The following DNMT3A variants were observed in gnomAD, a reference collection of about 807,000 sequenced individuals.
DNMT3A encodes the protein DNA methyltransferase 3 alpha, also known as DNA (cytosine-5)-methyltransferase 3A.
DNMT3A carries 267 observed loss-of-function variants against 117.6 expected under a neutral mutation model. The observed-to-expected ratio is 2.27, with a 90% CI of 2.05 to 2.51. The LOEUF (loss-of-function observed/expected upper bound fraction) is 2.51, where lower values mean the gene tolerates loss of function less well. Ranked by LOEUF, DNMT3A falls within the 30% of genes most tolerant of loss-of-function variation. DNMT3A has a pLI of 0.00. For missense variants in DNMT3A, 1,029 were observed against 1,260.2 expected (o/e 0.82, Z 2.78); for synonymous variants, 432 against 474.8 (o/e 0.91, Z 1.17).
chr2:25,240,082 A>G (rs1478424124), intron 19 of DNMT3A, among the ~76,000 whole-genome samples: 1 of 152,148 alleles, frequency 6.6e-6, no homozygotes, highest in African/African-American at 2.4e-5. Context: ...CCACACCCAC[A>G]ATGCCACCTC....
chr2:25,264,474 G>T (rs1329719427), intron 6 of DNMT3A, among the ~76,000 whole-genome samples: 32 of 138,718 alleles, frequency 2.3e-4, no homozygotes, highest in South Asian at 9.0e-4. Context: ...TTTTTGTTTT[G>T]TTTTTTTTTG....
intron 3 of DNMT3A, among the ~76,000 whole-genome samples, chr2:25,288,704 C>T (rs1380424005): frequency 6.6e-6 from 1 of 152,240 alleles, no homozygotes; most frequent in Non-Finnish European, 1.5e-5. Context: ...AGTACACTCT[C>T]ATGGTTATAC....
rs549167321 is a variant in DNMT3A at position 25,245,286 on chromosome 2, G to A, written c.1521C>T (p.Pro507=). ...CGSLNVTLEH[P]LFVGGMCQNC... ...TTTGGCACATTCCTCCAACGAAGAG[G>A]GGGTGTTCCAGGGTAACATTGAGGC... is the stretch of plus-strand genomic sequence containing the variant. Residue 507 remains proline, a synonymous_variant, in exon 13 of 23, where the codon CCC becomes CCT. Coordinates refer to ENST00000321117, the MANE Select transcript of DNMT3A (RefSeq NM_022552.5). The A allele has an allele frequency of 1.1e-5, 17 of 1,613,984 alleles. No individual in the cohort carries two copies. The African/African-American group carries it at 1.6e-4, about 15-fold the overall frequency.
rs764146514 is a variant in DNMT3A, at chr2:25,239,130, C to A, written c.2408G>T (p.Arg803Met). The change falls in exon 20 of 23, where the codon AGG becomes ATG. Residue 803 changes from arginine (R) to methionine (M), a missense_variant and splice_region_variant. Physicochemically the swap from Arg to Met is moderately conservative, Grantham distance 91 (BLOSUM62 -1). Coordinates refer to ENST00000321117, the MANE Select transcript of DNMT3A (RefSeq NM_022552.5). ...YFWGNLPGMN[R>M]PLASTVNDKL... Reference sequence around the variant, plus strand: ...CCCAGGCCCAGGAGCTTTCACCAACCTGTTCATACCGGGAAGGTTACCCCA... The same window carrying A: ...CCCAGGCCCAGGAGCTTTCACCAACATGTTCATACCGGGAAGGTTACCCCA... 6.2e-7 allele frequency: 1 copy of A among 1,613,894 alleles called. No individual in the cohort carries two copies. The highest frequency in any genetic ancestry group is 8.5e-7 in the Non-Finnish European group (1 of 1,179,840).
At chr2:25,264,999 C>T (rs535599190) in intron 6 of DNMT3A, among the ~76,000 whole-genome samples, 8 of 152,086 alleles carry the variant, frequency 5.3e-5, no homozygotes, top group Admixed American at 4.6e-4. Flanking sequence ...ACTAAAATGC[C>T]GAAAGCAGAA....
At chr2:25,273,536 C>T (rs1046434189) in intron 6 of DNMT3A, among the ~76,000 whole-genome samples, 2 of 152,160 alleles carry the variant, frequency 1.3e-5, no homozygotes, top group African/African-American at 2.4e-5. Context: ...TGGCAGTTTC[C>T]TCTCTTTTCC....
At chr2:25,302,406 A>C (rs573699785) in intron 2 of DNMT3A, among the ~76,000 whole-genome samples, 4 of 152,174 alleles carry the variant, frequency 2.6e-5, no homozygotes, top group Non-Finnish European at 5.9e-5. Context: ...AGGACCAAAG[A>C]GGGCAATTTA....
Position 25,300,691 on chromosome 2 carries a change from ATT to A in DNMT3A, c.73-450_73-449del, listed in dbSNP as rs1195321535. Among the ~76,000 whole-genome samples the A allele has an allele frequency of 3.5e-4, 29 of 82,056 alleles. 1 individual carries two copies. Among genetic ancestry groups the A allele is most frequent in the Non-Finnish European group, 5.7e-4 (24 of 41,862 alleles). The allele number at this position is 82,056 out of a possible 152,430, so 53.8% of individuals were successfully genotyped here. On this transcript the variant is annotated intron_variant, in intron 2 of 22. Coordinates refer to ENST00000321117, the MANE Select transcript of DNMT3A (RefSeq NM_022552.5). ...TATTTAGATATATATTTAGATATATATTTATATATCTAAATAATATAATATAT... is the reference window on the plus strand; with the variant it reads ...TATTTAGATATATATTTAGATATATATATATATCTAAATAATATAATATAT...
At chr2:25,342,174 G>GC (rs1413013399), upstream of DNMT3A, among the ~76,000 whole-genome samples, 1 of 145,508 alleles carries the variant, frequency 6.9e-6, no homozygotes, top group African/African-American at 2.5e-5. This position sits in a 1 kb window ranked among gnomAD's most constrained non-coding sequence, Gnocchi z 5.9. Flanking sequence ...CGACTGGGGG[G>GC]CCCCGGGGCG....
chr2:25,272,614 A>G (rs2031012172), intron 6 of DNMT3A, among the ~76,000 whole-genome samples: 1 of 152,134 alleles, frequency 6.6e-6, no homozygotes, highest in Non-Finnish European at 1.5e-5. Context: ...TGGAGAGAAG[A>G]GCCCCATTCC....
At chr2:25,279,548 G>A (rs139177109) in intron 4 of DNMT3A, among the ~76,000 whole-genome samples, 7 of 152,224 alleles carry the variant, frequency 4.6e-5, no homozygotes, top group African/African-American at 1.4e-4. Flanking sequence ...CCCACCCCGC[G>A]AGGTAACATC....
At chr2:25,251,844 G>A in intron 6 of DNMT3A, 1 of 371,860 alleles carries the variant, frequency 2.7e-6, no homozygotes, top group Non-Finnish European at 4.9e-6. Context: ...CCATCTGCCA[G>A]CTCAGCTGAA....
At position 25,237,941 on chromosome 2, in the gene DNMT3A, C is replaced by G. The variant is rs2149263777; in HGVS notation, c.2409-936G>C. ...AGGAAGGCTTCCCTGAGCACTGGCT[C>G]CAGGATCTCAGTGTGGGAACCACGG... On this transcript the variant is annotated intron_variant, in intron 20 of 22. Transcript: ENST00000321117. The surrounding 1 kb of genome is among the most constrained non-coding windows in gnomAD (Gnocchi z 5.4). 6.6e-6 allele frequency among the ~76,000 whole-genome samples: 1 copy of G among 152,362 alleles called. No homozygotes were observed. The highest frequency in any genetic ancestry group is 2.1e-4 in the South Asian group (1 of 4,830).
Position 25,237,124 on chromosome 2 carries a change from C to G in DNMT3A, c.2409-119G>C. The G allele has an allele frequency of 2.2e-6, 2 of 918,278 alleles. No homozygotes were observed. The highest frequency in any genetic ancestry group is 3.3e-6 in the Non-Finnish European group (2 of 599,562). The allele number at this position is 918,278 out of a possible 1,614,324, so 56.9% of individuals were successfully genotyped here. A position where few individuals can be genotyped will look rare whatever the true frequency, so the allele number is the denominator to read the frequency against. On this transcript the variant is annotated intron_variant, in intron 20 of 22. Coordinates refer to ENST00000321117, the MANE Select transcript of DNMT3A (RefSeq NM_022552.5). This position sits in a 1 kb window ranked among gnomAD's most constrained non-coding sequence, Gnocchi z 5.4. ...CTAGTTCACAGGGTAAGAGCCCCTT[C>G]CCCAAATCACGCACACACGTCATAA... is the stretch of plus-strand genomic sequence containing the variant.
At chr2:25,238,194 C>G (rs1368109457) in intron 20 of DNMT3A, among the ~76,000 whole-genome samples, 2 of 152,156 alleles carry the variant, frequency 1.3e-5, no homozygotes, top group African/African-American at 2.4e-5. Context: ...TCCCAATATG[C>G]ACATGTATCT....
rs926645507 is a variant in DNMT3A at position 25,305,998 on chromosome 2, C to A, written c.73-5755G>T. Among the ~76,000 whole-genome samples the A allele has an allele frequency of 2.6e-5, 4 of 152,198 alleles. No individual in the cohort carries two copies. Among genetic ancestry groups the A allele is most frequent in the African/African-American group, 9.6e-5 (4 of 41,456 alleles). On this transcript the variant is annotated intron_variant, in intron 2 of 22. Transcript: ENST00000321117. The surrounding 1 kb of genome is among the most constrained non-coding windows in gnomAD (Gnocchi z 4.1). ...GATCTAGCCAGCTACTTGCCCGGGC[C>A]CCCTGGGACAAGAAGCATGCCCAGC...
rs962783602 is a variant in DNMT3A, at chr2:25,252,944, C to G, written c.640-4692G>C. 4.6e-5 allele frequency among the ~76,000 whole-genome samples: 7 copies of G among 152,120 alleles called. No homozygotes were observed. Among genetic ancestry groups the G allele is most frequent in the African/African-American group, 1.7e-4 (7 of 41,512 alleles). ...ACAGGTGAATAGAGAAGCGGGGGGG[C>G]CTCAAAAAGCGCGGCGTGAGGAGGT... is the stretch of plus-strand genomic sequence containing the variant. On this transcript the variant is annotated intron_variant, in intron 6 of 22. Transcript: ENST00000321117. This position sits in a 1 kb window ranked among gnomAD's most constrained non-coding sequence, Gnocchi z 5.5.
chr2:25,328,628 C>A (rs567205897), intron 1 of DNMT3A: 4 of 512,054 alleles, frequency 7.8e-6, no homozygotes, highest in South Asian at 3.0e-5. Flanking sequence ...TCCGGGTGAC[C>A]CTGGAGGCAG....
chr2:25,291,713 TCCAC>T (rs1558714529), intron 3 of DNMT3A, among the ~76,000 whole-genome samples: 1 of 152,192 alleles, frequency 6.6e-6, no homozygotes, highest in East Asian at 1.9e-4. Flanking sequence ...CAGAGATCTC[TCCAC>T]CCGTGTGTCT....
Sources: allele counts gnomAD v4.1 joint callset (sites outside exome capture counted in the v4.1 genomes callset), GRCh38; gene constraint gnomAD v4.1.1; non-coding constraint Gnocchi (gnomAD v3.1); transcripts MANE v1.5; gene names NCBI Gene and HGNC (gene_info 2026-07-23, HGNC 2026-07-21).